The following HGF variants were observed in gnomAD, a reference collection of about 807,000 sequenced individuals.
HGF encodes hepatocyte growth factor.
A neutral mutation model predicts 111.6 loss-of-function variants in HGF; 39 were observed. The observed-to-expected ratio is 0.35, with a 90% CI of 0.27 to 0.46. The LOEUF is 0.46. HGF is among the 20% of genes least tolerant of loss of function. HGF has a pLI of 1.00. For synonymous variants in HGF, 285 were observed against 294.8 expected, an observed-to-expected ratio of 0.97 and a Z score of 0.34; for missense variants, 735 against 910.5, an observed-to-expected ratio of 0.81 and a Z score of 2.48.
intron 8 of HGF, among the ~76,000 whole-genome samples, chr7:81,727,821 C>T (rs1315437701): frequency 6.6e-6 from 1 of 152,084 alleles, no homozygotes; most frequent in Non-Finnish European, 1.5e-5. Context: ...TTTGGACTGA[C>T]TTTAACATCT....
At chr7:81,729,916 G>A in intron 7 of HGF, 137 bp from the exon 8 acceptor site, 1 of 663,106 alleles carries the variant, frequency 1.5e-6, no homozygotes, top group Non-Finnish European at 2.5e-6. Flanking sequence ...TAATTGAGTG[G>A]AATAAGAAAT....
chr7:81,719,321 T>C (rs1480831693), intron 10 of HGF, among the ~76,000 whole-genome samples: 2 of 152,166 alleles, frequency 1.3e-5, no homozygotes, highest in Non-Finnish European at 2.9e-5. Context: ...CTATCTTTCA[T>C]AGTTTTCATA....
chr7:81,740,141 T>G (rs6951195), intron 7 of HGF, among the ~76,000 whole-genome samples: 125,071 of 152,134 alleles, frequency 0.82, 51,886 homozygotes, highest in African/African-American at 0.92. Flanking sequence ...ATAAATGATA[T>G]TAATTATGAT....
Position 81,702,738 on chromosome 7 carries a change from A to C in HGF, c.2030T>G (p.Leu677Arg). ...GPCEGDYGGP[L>R]VCEQHKMRMV... ...TCTCATTTTATGTTGCTCACAAACA[A>C]GTGGGCCACCATAATCCCCCTAGGA... The change falls in exon 18 of 18, where the codon CTT becomes CGT. Residue 677 changes from leucine to arginine, a missense_variant. Leu to Arg is a moderately radical substitution (Grantham distance 102). Around this residue, in one of 3 missense-constraint regions of HGF, gnomAD observed 52 missense variants for 95.0 expected, o/e 0.55. Coordinates refer to ENST00000222390, the MANE Select transcript of HGF (RefSeq NM_000601.6). 6.2e-7 allele frequency: 1 copy of C among 1,611,528 alleles called. No individual in the cohort carries two copies. The highest frequency in any genetic ancestry group is 8.5e-7 in the Non-Finnish European group (1 of 1,178,218).
chr7:81,741,563 GTGTA>G (rs1235671562), intron 7 of HGF, among the ~76,000 whole-genome samples: 1 of 150,072 alleles, frequency 6.7e-6, no homozygotes, highest in Non-Finnish European at 1.5e-5. Context: ...GCAGGTGAGT[GTGTA>G]TGTGTGTGTG....
chr7:81,730,064 G>A (rs1414096045), intron 7 of HGF, among the ~76,000 whole-genome samples: 1 of 152,008 alleles, frequency 6.6e-6, no homozygotes, highest in Non-Finnish European at 1.5e-5. Context: ...TAGTGTTTCT[G>A]AAATGACTAT....
intron 10 of HGF, among the ~76,000 whole-genome samples, 193 bp from the exon 11 acceptor site, chr7:81,717,558 A>T (rs572539691): frequency 2.6e-5 from 4 of 152,288 alleles, no homozygotes; most frequent in Non-Finnish European, 5.9e-5. Flanking sequence ...CTTTAGAAGC[A>T]GATTCTCTAA....
chr7:81,743,953 CACT>C (rs1397134431), intron 6 of HGF, among the ~76,000 whole-genome samples: 1 of 152,190 alleles, frequency 6.6e-6, no homozygotes, highest in Non-Finnish European at 1.5e-5. Context: ...AACTTCATCA[CACT>C]ACTTTCTCCA....
At chr7:81,747,923 A>C (rs963787537) in intron 5 of HGF, among the ~76,000 whole-genome samples, 1 of 152,200 alleles carries the variant, frequency 6.6e-6, no homozygotes, top group Non-Finnish European at 1.5e-5. Context: ...GCGACAGAGC[A>C]AGACTCTGTC....
In HGF at chr7:81,699,741, T is replaced by G. The variant is rs1334380784; in HGVS notation, c.*2840A>C. On this transcript the variant is annotated 3_prime_UTR_variant, in exon 18 of 18. Transcript: ENST00000222390. ...GTACCATTGGTACCAACAAGAAATA[T>G]TCACAGGAATAAGTGAAATACAATT... 6.6e-6 allele frequency: 1 copy of G among 151,662 alleles called. No homozygotes were observed. Among genetic ancestry groups the G allele is most frequent in the East Asian group, 1.9e-4 (1 of 5,174 alleles). The allele number at this position is 151,662 out of a possible 1,614,324, so 9.4% of individuals were successfully genotyped here.
At chr7:81,752,352 G>A in intron 4 of HGF, 90 bp from the exon 5 acceptor site, 2 of 1,063,388 alleles carry the variant, frequency 1.9e-6, no homozygotes, top group Non-Finnish European at 2.9e-6. Context: ...TGTTTTTGCT[G>A]AAGGTAGAAA....
rs571102402 is a variant in HGF, at chr7:81,710,238, C to T, written c.1450G>A (p.Val484Ile). 54 of 1,609,426 alleles carry T rather than the reference C, an allele frequency of 3.4e-5. No homozygotes were observed. The highest frequency in any genetic ancestry group is 1.3e-4 in the East Asian group (6 of 44,848). The change falls in exon 13 of 18, where the codon GTA becomes ATA. Residue 484 changes from valine (V) to isoleucine (I), a missense_variant. Physicochemically the swap from Val to Ile is conservative, Grantham distance 29 (BLOSUM62 3). Coordinates refer to ENST00000222390, the MANE Select transcript of HGF (RefSeq NM_000601.6). ...TGTTTCGTTTTGGCACAAGATATTA[C>T]GGGATCTGAAACAGGACCAAACATA... ...TPTIVNLDHP[V>I]ISCAKTKQLR...
intron 13 of HGF, 137 bp downstream of exon 13, chr7:81,710,010 A>G: frequency 1.4e-6 from 1 of 691,212 alleles, no homozygotes; most frequent in Admixed American, 2.1e-5. Context: ...AGATGTGATC[A>G]GCTTCCTCTT....
At chr7:81,723,930 G>A (rs756309004) in intron 9 of HGF, among the ~76,000 whole-genome samples, 5 of 151,532 alleles carry the variant, frequency 3.3e-5, no homozygotes, top group Admixed American at 1.3e-4. Context: ...CTGTATTTGA[G>A]AATTTAGGCA....
At chr7:81,769,071 G>A (rs766180866) in intron 1 of HGF, among the ~76,000 whole-genome samples, 3 of 151,912 alleles carry the variant, frequency 2.0e-5, no homozygotes, top group Non-Finnish European at 2.9e-5. Flanking sequence ...GCCTTCTCCC[G>A]TTGGCACCTC....
At position 81,769,960 on chromosome 7, in the gene HGF, G is replaced by A; in HGVS notation, c.12C>T (p.Thr4=). 6.4e-7 allele frequency: 1 copy of A among 1,557,018 alleles called. No homozygotes were observed. The highest frequency in any genetic ancestry group is 8.7e-7 in the Non-Finnish European group (1 of 1,150,100). Residue 4 remains threonine, a synonymous_variant, in exon 1 of 18, where the codon ACC becomes ACT. Transcript: ENST00000222390. The stretch of plus-strand genomic sequence containing the variant: ...GCAGCAGCAGGGCTGGCAGGAGTTT[G>A]GTCACCCACATGGTGCTGCTGGACG... MWV[T]KLLPALLLQH... is the part of the protein sequence containing the mutation.
At chr7:81,754,089 A>C (rs1788636120) in intron 4 of HGF, among the ~76,000 whole-genome samples, 1 of 151,972 alleles carries the variant, frequency 6.6e-6, no homozygotes, top group South Asian at 2.1e-4. Context: ...GGAAAAGTTG[A>C]TATGGTAGAG....
At position 81,765,230 on chromosome 7, in the gene HGF, G is replaced by A. The variant is rs76948804; in HGVS notation, c.89-2358C>T. 7.2e-5 allele frequency among the ~76,000 whole-genome samples: 11 copies of A among 152,040 alleles called. 1 individual carries two copies. Among genetic ancestry groups the A allele is most frequent in the African/African-American group, 1.7e-4 (7 of 41,530 alleles). ...CTCTGGTTTCTTTTCTCAATGCCAC[G>A]CAAAATGAAGGCAAGCCATGAAGAA... On this transcript the variant is annotated intron_variant, in intron 1 of 17. Transcript: ENST00000222390.
rs186331593 is a variant in HGF at position 81,708,310 on chromosome 7, A to C, written c.1542-946T>G. On this transcript the variant is annotated intron_variant, in intron 13 of 17. Transcript: ENST00000222390. The stretch of plus-strand genomic sequence containing the variant: ...GATTTAAAAAGGAAAAAAACTAAAA[A>C]TTTACAGTACTCTAATCTGATGGAA... Among the ~76,000 whole-genome samples, 614 of 152,110 alleles carry C rather than the reference A, an allele frequency of 4.0e-3. 6 individuals are homozygous for C. Among genetic ancestry groups the C allele is most frequent in the African/African-American group, 0.014 (584 of 41,514 alleles).
Sources: allele counts gnomAD v4.1 joint callset (sites outside exome capture counted in the v4.1 genomes callset), GRCh38; gene constraint gnomAD v4.1.1; regional missense constraint gnomAD v4.1.1; transcripts MANE v1.5; gene names NCBI Gene and HGNC (gene_info 2026-07-23, HGNC 2026-07-21).